Variants in IFRD1 observed in about 807,000 individuals in gnomAD.
IFRD1 encodes the protein interferon-related developmental regulator 1.
In IFRD1, 35 loss-of-function variants were observed where a neutral mutation model predicts 52.9. That is an observed-to-expected ratio of 0.66 (90% CI 0.51 to 0.88). IFRD1 has a LOEUF of 0.88. IFRD1 is among the 40% of genes least tolerant of loss of function. IFRD1 has a pLI of 0.00. For missense variants in IFRD1, 517 were observed against 550.8 expected, an observed-to-expected ratio of 0.94 and a Z score of 0.61; for synonymous variants, 184 against 188.4, an observed-to-expected ratio of 0.98 and a Z score of 0.19.
chr7:112,442,310 T>C (rs1794910198), intron 1 of IFRD1, among the ~76,000 whole-genome samples: 1 of 152,220 alleles, frequency 6.6e-6, no homozygotes, highest in South Asian at 2.1e-4. Context: ...CTTACTGATG[T>C]CTAAAATTCC....
chr7:112,461,220 T>C (rs1020544882), intron 5 of IFRD1: 2 of 152,204 alleles, frequency 1.3e-5, no homozygotes, highest in Non-Finnish European at 2.9e-5. Flanking sequence ...TTTTATGAAA[T>C]TTCTGCTCCT....
intron 1 of IFRD1, among the ~76,000 whole-genome samples, chr7:112,455,509 CA>C (rs546986853): frequency 7.0e-6 from 1 of 142,778 alleles, no homozygotes; most frequent in Non-Finnish European, 1.5e-5. Context: ...CAAAACAAAA[CA>C]AAAAAAAGAA....
At chr7:112,428,457 G>A (rs974032091) in intron 1 of IFRD1, among the ~76,000 whole-genome samples, 3 of 152,190 alleles carry the variant, frequency 2.0e-5, no homozygotes, top group Non-Finnish European at 4.4e-5. Flanking sequence ...GTAGATCTAA[G>A]GTACTGGAAT....
intron 1 of IFRD1, among the ~76,000 whole-genome samples, chr7:112,427,344 A>G (rs1338555473): frequency 1.3e-5 from 2 of 152,236 alleles, no homozygotes; most frequent in Admixed American, 6.5e-5. Flanking sequence ...AGTTCAAACC[A>G]TAGTGGAAGC....
intron 10 of IFRD1, among the ~76,000 whole-genome samples, 172 bp from the exon 11 acceptor site, chr7:112,472,594 C>G (rs928377488): frequency 6.6e-6 from 1 of 152,016 alleles, no homozygotes; most frequent in African/African-American, 2.4e-5. Flanking sequence ...ACATAGCTGT[C>G]TTGGATTCAA....
chr7:112,456,132 C>A, intron 3 of IFRD1, 46 bp downstream of exon 3: 2 of 1,059,222 alleles, frequency 1.9e-6, no homozygotes, highest in Non-Finnish European at 3.0e-6. Context: ...TATGCTTGAT[C>A]TTAGTCAAAA....
intron 8 of IFRD1, among the ~76,000 whole-genome samples, chr7:112,463,364 G>T (rs1296265267): frequency 6.6e-6 from 1 of 152,010 alleles, no homozygotes; most frequent in Non-Finnish European, 1.5e-5. Flanking sequence ...AACAGTGAAC[G>T]GTTCCAAACA....
chr7:112,442,695 A>C (rs1221120257), intron 1 of IFRD1, among the ~76,000 whole-genome samples: 1 of 152,212 alleles, frequency 6.6e-6, no homozygotes, highest in East Asian at 1.9e-4. Context: ...GCCACCTGGT[A>C]CTGAGTTCTG....
chr7:112,458,475 C>G (rs17132179), intron 4 of IFRD1: 21,281 of 273,780 alleles, frequency 0.078, 1,198 homozygotes, highest in South Asian at 0.19. Context: ...GAGATTAATT[C>G]AAGGGCAATT....
intron 1 of IFRD1, among the ~76,000 whole-genome samples, chr7:112,443,600 G>A (rs1794948002): frequency 6.6e-6 from 1 of 152,050 alleles, no homozygotes; most frequent in African/African-American, 2.4e-5. Context: ...GGCCGAGTGT[G>A]GTGGCTCATG....
chr7:112,450,761 G>A lies in IFRD1; in HGVS notation c.73G>A (p.Ala25Thr), dbSNP rs373600693. 115 of 1,612,102 alleles carry A rather than the reference G, an allele frequency of 7.1e-5. No individual in the cohort carries two copies. Among genetic ancestry groups the A allele is most frequent in the Non-Finnish European group, 9.2e-5 (109 of 1,179,488 alleles). ...TGGCGGCGGCGGGTCAGGAGCAGCCGCAGCGACGGCGGCGACAGCAGGTAA... is the reference window on the plus strand; with the variant it reads ...TGGCGGCGGCGGGTCAGGAGCAGCCACAGCGACGGCGGCGACAGCAGGTAA... ...SAGGGGSGAA[A>T]ATAATAGGQH... Residue 25 changes from alanine (A) to threonine (T), a missense_variant, in exon 1 of 12, where the codon GCA becomes ACA. Transcript: ENST00000403825.
chr7:112,453,636 T>C (rs1795218808), intron 1 of IFRD1, among the ~76,000 whole-genome samples: 3 of 152,204 alleles, frequency 2.0e-5, no homozygotes, highest in Admixed American at 6.5e-5. Flanking sequence ...TTGCCATTAC[T>C]TCAGTCATAA....
intron 1 of IFRD1, among the ~76,000 whole-genome samples, chr7:112,443,269 C>A (rs569604129): frequency 6.6e-6 from 1 of 152,128 alleles, no homozygotes; most frequent in Non-Finnish European, 1.5e-5. Context: ...ATTAGTACTA[C>A]CACACGGAGA....
At chr7:112,442,237 G>A (rs956589453) in intron 1 of IFRD1, among the ~76,000 whole-genome samples, 1 of 152,160 alleles carries the variant, frequency 6.6e-6, no homozygotes, top group Non-Finnish European at 1.5e-5. Context: ...AGTCTGATCT[G>A]GGGCTTAGTA....
intron 1 of IFRD1, among the ~76,000 whole-genome samples, chr7:112,454,839 T>G (rs1795246644): frequency 6.7e-6 from 1 of 149,822 alleles, no homozygotes; most frequent in Non-Finnish European, 1.5e-5. Flanking sequence ...TAGAAATAAT[T>G]ATTTCATCTT....
At chr7:112,432,610 G>A (rs1794572737) in intron 1 of IFRD1, among the ~76,000 whole-genome samples, 1 of 152,090 alleles carries the variant, frequency 6.6e-6, no homozygotes, top group Non-Finnish European at 1.5e-5. Context: ...TGAGGAAATG[G>A]GACTCTCAGA....
chr7:112,449,818 C>A (rs538281990), upstream of IFRD1, among the ~76,000 whole-genome samples: 1 of 30,238 alleles, frequency 3.3e-5, no homozygotes, highest in African/African-American at 1.2e-4. Context: ...CGAAAGCATC[C>A]CTTTTTTTGG....
At chr7:112,432,070 C>T (rs1441593936) in intron 1 of IFRD1, among the ~76,000 whole-genome samples, 2 of 152,198 alleles carry the variant, frequency 1.3e-5, no homozygotes, top group Non-Finnish European at 2.9e-5. Flanking sequence ...GCCACATCCT[C>T]TTATTGCCTA....
At chr7:112,434,991 A>G (rs185910084) in intron 1 of IFRD1, among the ~76,000 whole-genome samples, 4 of 152,314 alleles carry the variant, frequency 2.6e-5, no homozygotes, top group East Asian at 1.9e-4. Flanking sequence ...TGATCACCCT[A>G]TATCATTTAA....
Sources: allele counts gnomAD v4.1 joint callset (sites outside exome capture counted in the v4.1 genomes callset), GRCh38; gene constraint gnomAD v4.1.1; transcripts MANE v1.5; gene names NCBI Gene and HGNC (gene_info 2026-07-23, HGNC 2026-07-21).